The following CYYR1 variants were observed in gnomAD, a reference collection of about 807,000 sequenced individuals.
CYYR1 encodes cysteine and tyrosine-rich protein 1.
In CYYR1, 14 loss-of-function variants were observed where a neutral mutation model predicts 15.2. That is an observed-to-expected ratio of 0.92 (90% CI 0.61 to 1.44). The LOEUF (loss-of-function observed/expected upper bound fraction) is 1.44. CYYR1 is among the 40% of genes most tolerant of loss of function. The pLI, the probability that CYYR1 is intolerant of heterozygous loss-of-function variation, is 0.00. For synonymous variants in CYYR1, 80 were observed against 77.4 expected (o/e 1.03, Z -0.18); for missense variants, 228 against 209.5 (o/e 1.09, Z -0.54).
intron 2 of CYYR1, among the ~76,000 whole-genome samples, chr21:26,547,826 G>A (rs554300770): frequency 1.1e-3 from 169 of 149,562 alleles, no homozygotes; most frequent in Non-Finnish European, 2.0e-3. Context: ...AGGAAACCTC[G>A]ATTTCAACCA....
chr21:26,519,220 C>T (rs1601783932), intron 2 of CYYR1, among the ~76,000 whole-genome samples: 1 of 152,032 alleles, frequency 6.6e-6, no homozygotes, highest in Admixed American at 6.6e-5. Context: ...GAGATTACAT[C>T]CTGGAGGGGC....
chr21:26,481,791 C>T (rs1432467238), intron 2 of CYYR1, among the ~76,000 whole-genome samples: 1 of 151,664 alleles, frequency 6.6e-6, no homozygotes, highest in African/African-American at 2.4e-5. Flanking sequence ...TCAATACTTA[C>T]TAGTATTGAA....
chr21:26,507,743 A>G (rs2065588672), intron 2 of CYYR1, among the ~76,000 whole-genome samples: 1 of 152,240 alleles, frequency 6.6e-6, no homozygotes, highest in African/African-American at 2.4e-5. Flanking sequence ...AACTGCTGAA[A>G]GAAATTACAT....
chr21:26,568,246 G>A lies in CYYR1; in HGVS notation c.74-1878C>T, dbSNP rs141121584. On this transcript the variant is annotated intron_variant, in intron 1 of 3. Transcript: ENST00000652641. ...TTTAATTTATTCAAATATTTAGACTGGTCAGTTATCCCAAGGGCTTAGTGG... is the reference window on the plus strand; with the variant it reads ...TTTAATTTATTCAAATATTTAGACTAGTCAGTTATCCCAAGGGCTTAGTGG... 1.2e-3 allele frequency: 188 copies of A among 152,226 alleles called. 1 individual carries two copies. Among genetic ancestry groups the A allele is most frequent in the African/African-American group, 4.3e-3 (179 of 41,532 alleles). 9.4% of individuals were successfully genotyped at this position (152,226 alleles called of 1,614,324 possible).
chr21:26,523,239 G>C (rs2065823787), intron 2 of CYYR1, among the ~76,000 whole-genome samples: 1 of 152,010 alleles, frequency 6.6e-6, no homozygotes, highest in Non-Finnish European at 1.5e-5. Flanking sequence ...AATTACTATT[G>C]ATGCTACCTC....
chr21:26,495,539 G>A (rs1205368866), intron 2 of CYYR1, among the ~76,000 whole-genome samples: 2 of 143,406 alleles, frequency 1.4e-5, no homozygotes, highest in Non-Finnish European at 3.2e-5. Flanking sequence ...GATCCAATTA[G>A]ACTCCAACTG....
intron 2 of CYYR1, among the ~76,000 whole-genome samples, chr21:26,535,987 T>G (rs1387825906): frequency 6.6e-6 from 1 of 152,150 alleles, no homozygotes; most frequent in African/African-American, 2.4e-5. Context: ...AGAAGTTTAA[T>G]TGACTCACAG....
intron 3 of CYYR1, chr21:26,471,271 C>T (rs371139779): frequency 6.6e-6 from 1 of 152,168 alleles, no homozygotes; most frequent in East Asian, 1.9e-4. Flanking sequence ...GTTTTTCTGC[C>T]AAAGCTTTTC....
At chr21:26,542,513 C>T (rs978632796) in intron 2 of CYYR1, among the ~76,000 whole-genome samples, 3 of 151,836 alleles carry the variant, frequency 2.0e-5, no homozygotes, top group Non-Finnish European at 2.9e-5. Flanking sequence ...TTCCTCAATC[C>T]GATAAAAAGA....
chr21:26,493,859 A>G lies in CYYR1; in HGVS notation c.177-13430T>C, dbSNP rs184749906. 3.2e-4 allele frequency among the ~76,000 whole-genome samples: 49 copies of G among 152,334 alleles called. 1 individual carries two copies. The highest frequency in any genetic ancestry group is 6.8e-3 in the Middle Eastern group (2 of 294). On this transcript the variant is annotated intron_variant, in intron 2 of 3. Transcript: ENST00000652641. The stretch of plus-strand genomic sequence containing the variant: ...AGATGAACATGTTTATAAAATGCAT[A>G]TCTACTCTTTAATACTGCATTACAT...
intron 2 of CYYR1, among the ~76,000 whole-genome samples, chr21:26,511,155 A>G (rs2065642837): frequency 6.6e-6 from 1 of 152,242 alleles, no homozygotes; most frequent in Non-Finnish European, 1.5e-5. Flanking sequence ...TATTTCACAT[A>G]GTAAACAGAT....
At chr21:26,517,102 G>A (rs1311946794) in intron 2 of CYYR1, among the ~76,000 whole-genome samples, 3 of 103,680 alleles carry the variant, frequency 2.9e-5, no homozygotes, top group African/African-American at 8.1e-5. Flanking sequence ...GCGACAGAGC[G>A]AGACTCCGTC....
At position 26,545,733 on chromosome 21, in the gene CYYR1, C is replaced by T. The variant is rs190179730; in HGVS notation, c.176+20533G>A. Among the ~76,000 whole-genome samples the T allele has an allele frequency of 5.3e-5, 8 of 151,894 alleles. No homozygotes were observed. The East Asian group carries it at 9.7e-4, about 18-fold the overall frequency. ...TAGCTGGGACTACAGGCGCCTGCCA[C>T]CACGCCCGGCTAATTTTTTTTGTAT... On this transcript the variant is annotated intron_variant, in intron 2 of 3. Coordinates refer to ENST00000652641, the MANE Select transcript of CYYR1 (RefSeq NM_001320768.2).
intron 2 of CYYR1, among the ~76,000 whole-genome samples, chr21:26,505,333 T>C (rs563705629): frequency 1.2e-3 from 187 of 152,302 alleles, no homozygotes; most frequent in Non-Finnish European, 2.3e-3. Context: ...AAAGCCCAAG[T>C]TGCAAAGAAA....
rs1373699188 is a variant in CYYR1 at position 26,466,791 on chromosome 21, G to A, written c.*1710C>T. The A allele has an allele frequency of 6.6e-6, 1 of 152,128 alleles. No individual in the cohort carries two copies. Among genetic ancestry groups the A allele is most frequent in the Non-Finnish European group, 1.5e-5 (1 of 68,016 alleles). 9.4% of individuals were successfully genotyped at this position (152,128 alleles called of 1,614,324 possible). On this transcript the variant is annotated 3_prime_UTR_variant, in exon 4 of 4. Coordinates refer to ENST00000652641, the MANE Select transcript of CYYR1 (RefSeq NM_001320768.2). ...AAATTGCACTGAAAACTTTATGTAA[G>A]TCAGGGAGCCCCTCACCAGAACAGG...
chr21:26,564,692 G>T, intron 2 of CYYR1: 1 of 1,123,246 alleles, frequency 8.9e-7, no homozygotes, highest in South Asian at 2.2e-5. Flanking sequence ...GAGAAAGAGG[G>T]CACACAGCAC....
At chr21:26,562,531 G>A (rs929221967) in intron 2 of CYYR1, among the ~76,000 whole-genome samples, 6 of 151,992 alleles carry the variant, frequency 3.9e-5, no homozygotes, top group African/African-American at 9.7e-5. Flanking sequence ...AAGGTTACTC[G>A]TTCCCCACTA....
chr21:26,479,442 A>C (rs943682245), intron 3 of CYYR1, among the ~76,000 whole-genome samples: 1 of 152,142 alleles, frequency 6.6e-6, no homozygotes, highest in Non-Finnish European at 1.5e-5. Context: ...ATGGGAAATT[A>C]ACTTCCTAAG....
intron 2 of CYYR1, among the ~76,000 whole-genome samples, chr21:26,517,046 C>T (rs1340846441): frequency 2.4e-5 from 3 of 123,540 alleles, no homozygotes; most frequent in Non-Finnish European, 3.2e-5. Context: ...ACCCGGGAGG[C>T]GGAGCTTGCA....
Sources: allele counts gnomAD v4.1 joint callset (sites outside exome capture counted in the v4.1 genomes callset), GRCh38; gene constraint gnomAD v4.1.1; transcripts MANE v1.5; gene names NCBI Gene and HGNC (gene_info 2026-07-23, HGNC 2026-07-21).